Variants in STX8 observed in about 807,000 individuals in gnomAD.
The protein encoded by STX8 is syntaxin-8.
In STX8, 23 loss-of-function variants were observed where a neutral mutation model predicts 37.5. The ratio of observed to expected loss-of-function variants is 0.61; its 90% CI spans 0.44 to 0.87. STX8 has a LOEUF of 0.87. STX8 is among the 40% of genes least tolerant of loss of function. STX8 has a pLI of 0.00. For missense variants in STX8, 313 were observed against 284.7 expected (o/e 1.10, Z -0.71); for synonymous variants, 115 against 99.1 (o/e 1.16, Z -0.95).
At chr17:9,518,747 A>G (rs1905230801) in intron 4 of STX8, among the ~76,000 whole-genome samples, 1 of 152,068 alleles carries the variant, frequency 6.6e-6, no homozygotes, top group Non-Finnish European at 1.5e-5. Flanking sequence ...GGGCGCCTGC[A>G]ATCCCAGCTA....
intron 7 of STX8, among the ~76,000 whole-genome samples, chr17:9,254,900 T>C (rs1906730545): frequency 6.6e-6 from 1 of 152,090 alleles, no homozygotes; most frequent in African/African-American, 2.4e-5. Context: ...ATTGAATTTT[T>C]GGAAGGGATA....
chr17:9,549,514 C>T (rs1369005268), intron 3 of STX8, among the ~76,000 whole-genome samples: 1 of 152,190 alleles, frequency 6.6e-6, no homozygotes, highest in Admixed American at 6.5e-5. Flanking sequence ...TAGCTCATGG[C>T]TTTTCCACCA....
chr17:9,372,405 C>T (rs964246171), intron 7 of STX8, among the ~76,000 whole-genome samples: 5 of 152,038 alleles, frequency 3.3e-5, no homozygotes, highest in Non-Finnish European at 7.4e-5. Context: ...AAATTTCCAC[C>T]CCATTTGCCT....
At chr17:9,262,099 C>T (rs1022188956) in intron 7 of STX8, among the ~76,000 whole-genome samples, 2 of 152,218 alleles carry the variant, frequency 1.3e-5, no homozygotes, top group African/African-American at 4.8e-5. Flanking sequence ...GGCAGAGAGG[C>T]ATCGCTGCTA....
intron 7 of STX8, among the ~76,000 whole-genome samples, chr17:9,351,452 C>T (rs1025433137): frequency 3.3e-5 from 5 of 151,946 alleles, no homozygotes; most frequent in East Asian, 1.9e-4. Context: ...CCACGGCGCC[C>T]GGCCTATTCA....
intron 3 of STX8, 119 bp from the exon 4 acceptor site, chr17:9,545,401 G>T: frequency 1.4e-6 from 1 of 693,940 alleles, no homozygotes. Flanking sequence ...CTACTACCCA[G>T]AAGGGATGCG....
intron 7 of STX8, among the ~76,000 whole-genome samples, chr17:9,257,808 C>T (rs1906857006): frequency 6.6e-6 from 1 of 152,144 alleles, no homozygotes; most frequent in Non-Finnish European, 1.5e-5. Context: ...GCCAGCATGG[C>T]CAAACCCCGT....
At chr17:9,353,251 T>C (rs1910769161) in intron 7 of STX8, among the ~76,000 whole-genome samples, 1 of 152,208 alleles carries the variant, frequency 6.6e-6, no homozygotes, top group African/African-American at 2.4e-5. Flanking sequence ...AGCCCCATCA[T>C]TGTTTGTGCG....
chr17:9,365,503 G>T (rs564544225), intron 7 of STX8, among the ~76,000 whole-genome samples: 12 of 152,378 alleles, frequency 7.9e-5, no homozygotes, highest in African/African-American at 2.9e-4. Flanking sequence ...GCAATCAAGA[G>T]AAACTAGCTA....
chr17:9,392,075 T>C (rs1912241732), intron 6 of STX8, among the ~76,000 whole-genome samples: 1 of 152,216 alleles, frequency 6.6e-6, no homozygotes, highest in Admixed American at 6.5e-5. Context: ...ACTTCTTCAA[T>C]GGTAGTTGGA....
intron 7 of STX8, among the ~76,000 whole-genome samples, chr17:9,325,148 G>A (rs890783986): frequency 2.6e-5 from 4 of 152,134 alleles, no homozygotes; most frequent in Non-Finnish European, 5.9e-5. Flanking sequence ...TTGAAGATAG[G>A]CTAGGCCGAG....
intron 5 of STX8, among the ~76,000 whole-genome samples, chr17:9,501,239 A>G (rs1597711469): frequency 6.6e-6 from 1 of 152,304 alleles, no homozygotes; most frequent in South Asian, 2.1e-4. Context: ...TGGAAATGCA[A>G]AAGACCTAGA....
chr17:9,498,743 A>AC (rs1345345700), intron 5 of STX8, among the ~76,000 whole-genome samples: 5 of 152,222 alleles, frequency 3.3e-5, no homozygotes, highest in African/African-American at 1.2e-4. Flanking sequence ...TCTAGAAAGA[A>AC]CATCTATAGA....
intron 5 of STX8, among the ~76,000 whole-genome samples, chr17:9,497,057 C>T (rs1481644507): frequency 4.6e-5 from 7 of 152,220 alleles, no homozygotes; most frequent in South Asian, 4.1e-4. Flanking sequence ...CCCCTTGAAA[C>T]CATTAGGTGT....
chr17:9,273,960 G>T (rs1318911865), intron 7 of STX8, among the ~76,000 whole-genome samples: 1 of 152,144 alleles, frequency 6.6e-6, no homozygotes, highest in Non-Finnish European at 1.5e-5. Flanking sequence ...CAGTCTTGTT[G>T]AATGGTACTG....
chr17:9,403,827 T>G (rs1157284242), intron 6 of STX8, among the ~76,000 whole-genome samples: 1 of 152,044 alleles, frequency 6.6e-6, no homozygotes, highest in Non-Finnish European at 1.5e-5. Context: ...TTTGTATTTT[T>G]AGTAGAGACG....
At chr17:9,533,907 AG>A (rs1905917776) in intron 4 of STX8, among the ~76,000 whole-genome samples, 1 of 152,160 alleles carries the variant, frequency 6.6e-6, no homozygotes, top group African/African-American at 2.4e-5. Flanking sequence ...CCTCATTTTC[AG>A]CTCAAGAATA....
At chr17:9,448,301 A>G (rs2142397963) in intron 6 of STX8, among the ~76,000 whole-genome samples, 1 of 152,292 alleles carries the variant, frequency 6.6e-6, no homozygotes, top group East Asian at 1.9e-4. Context: ...ATTCGTGAAC[A>G]TGCACAGAGA....
intron 4 of STX8, among the ~76,000 whole-genome samples, chr17:9,532,855 C>T (rs1265363283): frequency 6.6e-6 from 1 of 152,008 alleles, no homozygotes; most frequent in Non-Finnish European, 1.5e-5. Flanking sequence ...GCGTATTACC[C>T]TAAACATTCT....
Sources: gnomAD v4.1 joint callset for allele counts (sites outside exome capture counted in the v4.1 genomes callset) on GRCh38, gnomAD v4.1.1 for gene constraint, MANE v1.5 for transcripts, NCBI Gene and HGNC (gene_info 2026-07-23, HGNC 2026-07-21) for gene names.